The following LCOR variants were observed in gnomAD, a reference collection of about 807,000 sequenced individuals.
The protein encoded by LCOR is ligand dependent nuclear receptor corepressor.
In LCOR, 14 loss-of-function variants were observed where a neutral mutation model predicts 64.4. The observed-to-expected ratio is 0.22, with a 90% CI of 0.14 to 0.34. The LOEUF (loss-of-function observed/expected upper bound fraction) is 0.34. Ranked by LOEUF, LCOR falls within the 10% of genes least tolerant of loss-of-function variation. The pLI is 1.00. For missense variants in LCOR, 1,686 were observed against 1,765.3 expected, an observed-to-expected ratio of 0.96 and a Z score of 0.80; for synonymous variants, 643 against 642.5, an observed-to-expected ratio of 1.00 and a Z score of -0.01.
intron 2 of LCOR, among the ~76,000 whole-genome samples, chr10:96,875,874 A>G (rs567792525): frequency 1.3e-5 from 2 of 152,260 alleles, no homozygotes; most frequent in Non-Finnish European, 2.9e-5. Flanking sequence ...TCAGAAAAAA[A>G]CAACAAAAAA....
intron 2 of LCOR, among the ~76,000 whole-genome samples, chr10:96,896,671 G>C (rs543276152): frequency 1.7e-4 from 26 of 152,130 alleles, no homozygotes; most frequent in Middle Eastern, 3.4e-3. Context: ...TGATCCACCC[G>C]CCCTGCCCTT....
chr10:96,929,041 G>T (rs553303033), intron 4 of LCOR, among the ~76,000 whole-genome samples: 1 of 152,136 alleles, frequency 6.6e-6, no homozygotes, highest in South Asian at 2.1e-4. Flanking sequence ...AGGCTTTGTT[G>T]TTCTGTTTAT....
At chr10:96,837,545 G>T (rs973742423) in intron 2 of LCOR, among the ~76,000 whole-genome samples, 3 of 152,194 alleles carry the variant, frequency 2.0e-5, no homozygotes, top group Non-Finnish European at 4.4e-5. Flanking sequence ...GTGAGCCACC[G>T]TGCCCGGCCG....
chr10:96,870,633 A>G (rs1381022911), intron 2 of LCOR, among the ~76,000 whole-genome samples: 4 of 152,234 alleles, frequency 2.6e-5, no homozygotes, highest in Non-Finnish European at 5.9e-5. Flanking sequence ...CCTGAGCTCA[A>G]AAACCTATTG....
intron 4 of LCOR, among the ~76,000 whole-genome samples, chr10:96,943,655 GT>G (rs2134514214): frequency 6.6e-6 from 1 of 151,704 alleles, no homozygotes; most frequent in South Asian, 2.1e-4. Flanking sequence ...AAGTGTTTGT[GT>G]TTTGTGTCTG....
chr10:96,882,591 G>A (rs530972923), intron 2 of LCOR, among the ~76,000 whole-genome samples: 5 of 152,200 alleles, frequency 3.3e-5, no homozygotes, highest in African/African-American at 9.6e-5. Context: ...ACGATGACAC[G>A]TCATTATCAT....
At chr10:96,866,276 C>T (rs1260712608) in intron 2 of LCOR, among the ~76,000 whole-genome samples, 1 of 152,198 alleles carries the variant, frequency 6.6e-6, no homozygotes, top group Non-Finnish European at 1.5e-5. Flanking sequence ...TTCCCTTACC[C>T]CAGCCATAGG....
chr10:96,868,969 A>T (rs1357476646), intron 2 of LCOR, among the ~76,000 whole-genome samples: 1 of 152,044 alleles, frequency 6.6e-6, no homozygotes, highest in Non-Finnish European at 1.5e-5. Context: ...ACAGTGGTAC[A>T]ATCTTGGCTT....
chr10:96,927,861 A>G (rs1847195057), intron 4 of LCOR, among the ~76,000 whole-genome samples: 1 of 152,246 alleles, frequency 6.6e-6, no homozygotes, highest in African/African-American at 2.4e-5. Context: ...ATGTCACAAT[A>G]AAGCAAGTCA....
At chr10:96,908,459 A>G (rs1846768163) in intron 4 of LCOR, among the ~76,000 whole-genome samples, 2 of 152,342 alleles carry the variant, frequency 1.3e-5, no homozygotes, top group African/African-American at 2.4e-5. Flanking sequence ...ATTCATGTAG[A>G]TGATGATATA....
intron 7 of LCOR, chr10:96,955,768 A>C: frequency 6.2e-7 from 1 of 1,614,214 alleles, no homozygotes; most frequent in Non-Finnish European, 8.5e-7. Context: ...AGTACACTGG[A>C]GTACAAAGTA....
rs1847787758 is a variant in LCOR, at chr10:96,956,599, C to CA, written c.332+4404dup. 8.1e-6 allele frequency: 8 copies of CA among 985,550 alleles called. No individual in the cohort carries two copies. The South Asian group carries it at 3.8e-4, about 46-fold the overall frequency. The allele number at this position is 985,550 out of a possible 1,614,324, so 61.1% of individuals were successfully genotyped here. ...AGAGGGGAAGGTGGTGGAAAATGTG[C>CA]ACACACTACCTTCAGAAATGCTTCA... is the stretch of plus-strand genomic sequence containing the variant. On this transcript the variant is annotated intron_variant, in intron 7 of 7. Coordinates refer to ENST00000421806, the MANE Select transcript of LCOR (RefSeq NM_001346516.2).
chr10:96,882,257 C>G (rs1846276096), intron 2 of LCOR, among the ~76,000 whole-genome samples: 1 of 152,120 alleles, frequency 6.6e-6, no homozygotes, highest in Admixed American at 6.5e-5. Flanking sequence ...CTTACATCTG[C>G]TTTTTCATTC....
chr10:96,841,737 CTGT>C (rs1183924436), intron 2 of LCOR, among the ~76,000 whole-genome samples: 2 of 151,372 alleles, frequency 1.3e-5, no homozygotes, highest in Non-Finnish European at 2.9e-5. Flanking sequence ...ATTGGAAAGC[CTGT>C]TGTTTTAAAA....
At chr10:96,964,566 A>G (rs1847929194) in intron 7 of LCOR, 1 of 152,122 alleles carries the variant, frequency 6.6e-6, no homozygotes, top group Non-Finnish European at 1.5e-5. Flanking sequence ...TTAATGATAA[A>G]TTCTTTCTAG....
chr10:96,889,625 C>G (rs73318684), intron 2 of LCOR, among the ~76,000 whole-genome samples: 2,343 of 152,272 alleles, frequency 0.015, 68 homozygotes, highest in African/African-American at 0.054. Flanking sequence ...GACCTCATTT[C>G]ATCTTTGTTG....
chr10:96,912,611 C>T (rs887420369), intron 4 of LCOR, among the ~76,000 whole-genome samples: 54 of 133,086 alleles, frequency 4.1e-4, no homozygotes, highest in African/African-American at 1.4e-3. Flanking sequence ...TTCCTTTCTT[C>T]CTTCCTTCCT....
intron 4 of LCOR, among the ~76,000 whole-genome samples, chr10:96,943,687 T>C (rs1041069318): frequency 5.9e-5 from 9 of 152,092 alleles, no homozygotes; most frequent in Non-Finnish European, 5.9e-5. Context: ...GATCTCATAC[T>C]TGGAAAGCAA....
chr10:96,973,226 T>C (rs1038427556), intron 7 of LCOR, among the ~76,000 whole-genome samples: 1 of 152,220 alleles, frequency 6.6e-6, no homozygotes, highest in African/African-American at 2.4e-5. Context: ...CACTTTTGCC[T>C]ACCCTTTCAC....
Sources: gnomAD v4.1 joint callset for allele counts (sites outside exome capture counted in the v4.1 genomes callset) on GRCh38, gnomAD v4.1.1 for gene constraint, MANE v1.5 for transcripts, NCBI Gene and HGNC (gene_info 2026-07-23, HGNC 2026-07-21) for gene names.